The following ATP13A5 variants were observed in gnomAD, a reference collection of about 807,000 sequenced individuals.
The protein encoded by ATP13A5 is ATPase 13A5.
Under a neutral mutation model 150.2 loss-of-function variants are expected in ATP13A5, and 149 were observed. The observed-to-expected ratio is 0.99, with a 90% CI of 0.87 to 1.14. The LOEUF is 1.14. Among genes scored for constraint, ATP13A5 ranks in the 50% most tolerant of loss-of-function variants. The probability of loss-of-function intolerance (pLI) is 0.00; values close to 1 mark genes in which losing one functional copy is unlikely to be tolerated. For missense variants in ATP13A5, 1,383 were observed against 1,449.3 expected (o/e 0.95, Z 0.74); for synonymous variants, 497 against 522.2 (o/e 0.95, Z 0.66).
intron 6 of ATP13A5, 87 bp from the exon 7 acceptor site, chr3:193,351,288 CA>C: frequency 1.4e-6 from 2 of 1,468,636 alleles, no homozygotes; most frequent in Non-Finnish European, 1.9e-6. Flanking sequence ...ATTTTTTTCT[CA>C]TTTTTTTACA....
At chr3:193,312,027 GTTGCCTAACAGT>G in intron 19 of ATP13A5, 86 bp from the exon 20 acceptor site, 1 of 1,533,986 alleles carries the variant, frequency 6.5e-7, no homozygotes, top group South Asian at 1.2e-5. Context: ...GAGTTTTCAT[GTTGCCTAACAGT>G]GTGAAGGTCA....
chr3:193,344,927 T>C, intron 8 of ATP13A5, 76 bp downstream of exon 8: 1 of 1,350,634 alleles, frequency 7.4e-7, no homozygotes, highest in Admixed American at 1.7e-5. Context: ...TCTCCTTGAC[T>C]AATAATTAAG....
At chr3:193,370,388 G>A (rs1713398146) in intron 1 of ATP13A5, among the ~76,000 whole-genome samples, 1 of 152,150 alleles carries the variant, frequency 6.6e-6, no homozygotes, top group Non-Finnish European at 1.5e-5. Context: ...TTTACCAGCT[G>A]TGATTTAAAC....
Position 193,331,182 on chromosome 3 carries a change from A to G in ATP13A5, c.1402T>C (p.Cys468Arg), listed in dbSNP as rs747465222. 2 of 1,614,064 alleles carry G rather than the reference A, an allele frequency of 1.2e-6. No individual in the cohort carries two copies. The highest frequency in any genetic ancestry group is 1.7e-6 in the Non-Finnish European group (2 of 1,179,966). ...ATGTTGATTCTCTGTGGGGAGATAC[A>G]GAAGATTTTCTTTTTCTTCAGTCTC... ...QKRLKKKKIF[C>R]ISPQRINMCG... The change falls in exon 12 of 30, where the codon TGT becomes CGT. Residue 468 changes from cysteine to arginine, a missense_variant. Transcript: ENST00000342358.
chr3:193,306,278 C>T (rs1718615763), intron 22 of ATP13A5, among the ~76,000 whole-genome samples: 1 of 151,686 alleles, frequency 6.6e-6, no homozygotes, highest in Admixed American at 6.6e-5. Flanking sequence ...GGACCATCTA[C>T]TTTATGTTAG....
At position 193,288,207 on chromosome 3, in the gene ATP13A5, A is replaced by G. The variant is rs946306315; in HGVS notation, c.3023+1678T>C. On this transcript the variant is annotated intron_variant, in intron 26 of 29. Coordinates refer to ENST00000342358, the MANE Select transcript of ATP13A5 (RefSeq NM_198505.4). ...ATGAAAACAAAGTATTTAGAATATT[A>G]TATAAACTTACTTGACAAAGCATCA... Among the ~76,000 whole-genome samples the G allele has an allele frequency of 6.2e-4, 95 of 152,308 alleles. 1 individual carries two copies. Among genetic ancestry groups the G allele is most frequent in the African/African-American group, 1.4e-3 (59 of 41,590 alleles).
intron 27 of ATP13A5, among the ~76,000 whole-genome samples, chr3:193,282,980 CTTA>C (rs932691024): frequency 4.6e-5 from 7 of 152,106 alleles, no homozygotes; most frequent in African/African-American, 1.4e-4. Flanking sequence ...TTAAATAAAA[CTTA>C]TTATAAAACT....
At chr3:193,322,077 C>T (rs79165854) in intron 15 of ATP13A5, among the ~76,000 whole-genome samples, 2,911 of 152,302 alleles carry the variant, frequency 0.019, 57 homozygotes, top group Admixed American at 0.053. Context: ...GCCAAGCTCA[C>T]AGGTCATCTC....
chr3:193,302,024 A>C (rs1055578281), intron 23 of ATP13A5, among the ~76,000 whole-genome samples: 4 of 152,158 alleles, frequency 2.6e-5, no homozygotes, highest in Admixed American at 2.6e-4. Context: ...GGTTAGAAGA[A>C]AAAAATGTGA....
chr3:193,344,940 C>A (rs1291567180), intron 8 of ATP13A5, 63 bp downstream of exon 8: 1 of 1,434,108 alleles, frequency 7.0e-7, no homozygotes, highest in African/African-American at 1.4e-5. Context: ...TAATTAAGGA[C>A]AAATGAGACC....
intron 14 of ATP13A5, 48 bp from the exon 15 acceptor site, chr3:193,322,622 A>C: frequency 7.6e-7 from 1 of 1,319,296 alleles, no homozygotes; most frequent in Non-Finnish European, 1.1e-6. Flanking sequence ...TAAAAATATT[A>C]AGAAAGAAAT....
chr3:193,373,870 T>C (rs1425032668), intron 1 of ATP13A5, among the ~76,000 whole-genome samples: 5 of 152,196 alleles, frequency 3.3e-5, no homozygotes, highest in Non-Finnish European at 4.4e-5. Flanking sequence ...AAAATGCACC[T>C]TTGTCAGTTC....
chr3:193,330,013 A>G lies in ATP13A5; in HGVS notation c.1461+1110T>C, dbSNP rs140532148. 1.3e-3 allele frequency among the ~76,000 whole-genome samples: 204 copies of G among 152,198 alleles called. 3 individuals are homozygous for G. In the East Asian group the frequency reaches 0.028, roughly 21 times the overall value. Reference sequence around the variant, plus strand: ...AGCGTGGCATATGAGGCCCTTAACAATTGCCCTCAACCCAGCTTCATTCTC... The same window carrying G: ...AGCGTGGCATATGAGGCCCTTAACAGTTGCCCTCAACCCAGCTTCATTCTC... On this transcript the variant is annotated intron_variant, in intron 12 of 29. Coordinates refer to ENST00000342358, the MANE Select transcript of ATP13A5 (RefSeq NM_198505.4).
At chr3:193,278,207 C>T (rs986395946) in intron 28 of ATP13A5, among the ~76,000 whole-genome samples, 1 of 152,218 alleles carries the variant, frequency 6.6e-6, no homozygotes, top group Non-Finnish European at 1.5e-5. Flanking sequence ...ACCAAACTCA[C>T]TCTGGAGCTT....
At chr3:193,280,355 A>G (rs892801805) in intron 27 of ATP13A5, among the ~76,000 whole-genome samples, 6 of 152,026 alleles carry the variant, frequency 3.9e-5, no homozygotes, top group Non-Finnish European at 8.8e-5. Flanking sequence ...CTGGCCTCCA[A>G]TTTTTCTTAA....
chr3:193,363,815 G>A (rs1007574821), intron 2 of ATP13A5, among the ~76,000 whole-genome samples: 1 of 152,140 alleles, frequency 6.6e-6, no homozygotes, highest in African/African-American at 2.4e-5. Context: ...CTGTAACACT[G>A]ACAGCCACTG....
chr3:193,288,579 A>G, intron 26 of ATP13A5, among the ~76,000 whole-genome samples: 1 of 124,436 alleles, frequency 8.0e-6, no homozygotes, highest in Non-Finnish European at 1.7e-5. Flanking sequence ...CACACTTGAT[A>G]GACTACAGTA....
At position 193,354,203 on chromosome 3, in the gene ATP13A5, G is replaced by A; in HGVS notation, c.537-7C>T. 6.2e-7 allele frequency: 1 copy of A among 1,609,310 alleles called. No individual in the cohort carries two copies. On this transcript the variant is annotated splice_region_variant and splice_polypyrimidine_tract_variant and intron_variant, in intron 5 of 29. Coordinates refer to ENST00000342358, the MANE Select transcript of ATP13A5 (RefSeq NM_198505.4). ...GGGCCCACACACTAATCTTCTGCGG[G>A]AAATTGATCATCCATTAGTGTCATA... is the stretch of plus-strand genomic sequence containing the variant.
chr3:193,334,775 A>G (rs901740620), intron 10 of ATP13A5, among the ~76,000 whole-genome samples, 154 bp downstream of exon 10: 3 of 152,246 alleles, frequency 2.0e-5, no homozygotes, highest in African/African-American at 7.2e-5. Context: ...AATTAAAAAT[A>G]GTGACACTTT....
Sources: gnomAD v4.1 joint callset for allele counts (sites outside exome capture counted in the v4.1 genomes callset) on GRCh38, gnomAD v4.1.1 for gene constraint, MANE v1.5 for transcripts, NCBI Gene and HGNC (gene_info 2026-07-23, HGNC 2026-07-21) for gene names.